Variants in MYO1H observed in about 807,000 individuals in gnomAD.
MYO1H encodes the protein unconventional myosin-Ih.
Under a neutral mutation model 149.3 loss-of-function variants are expected in MYO1H, and 118 were observed. That is an observed-to-expected ratio of 0.79 (90% confidence interval 0.68 to 0.92). The LOEUF (loss-of-function observed/expected upper bound fraction) is 0.92. MYO1H is among the 40% of genes least tolerant of loss of function. The pLI is 0.00. For missense variants in MYO1H, 1,212 were observed against 1,280.7 expected, an observed-to-expected ratio of 0.95 and a Z score of 0.82; for synonymous variants, 447 against 465.2, an observed-to-expected ratio of 0.96 and a Z score of 0.50.
At chr12:109,365,653 A>G (rs1297978002) in intron 1 of MYO1H, among the ~76,000 whole-genome samples, 2 of 152,202 alleles carry the variant, frequency 1.3e-5, no homozygotes, top group African/African-American at 2.4e-5. Context: ...GCTCTTTTGA[A>G]AAATCAAGAT....
At chr12:109,437,400 T>C (rs1871905327) in intron 22 of MYO1H, among the ~76,000 whole-genome samples, 1 of 152,218 alleles carries the variant, frequency 6.6e-6, no homozygotes, top group Admixed American at 6.5e-5. Flanking sequence ...CAAATTGATT[T>C]TGAAATTCAA....
the MYO1H span, among the ~76,000 whole-genome samples, chr12:109,342,400 C>T: frequency 6.6e-6 from 1 of 151,976 alleles, no homozygotes; most frequent in African/African-American, 2.4e-5. Flanking sequence ...CCACCTTGGC[C>T]TCCCGAAGTG....
chr12:109,437,698 G>A (rs980459914), intron 22 of MYO1H, among the ~76,000 whole-genome samples: 2 of 152,182 alleles, frequency 1.3e-5, no homozygotes, highest in African/African-American at 2.4e-5. Context: ...GTTGATGGAC[G>A]TTTGGGTTGA....
rs995965239 is a variant in MYO1H at position 109,443,657 on chromosome 12, G to T, written c.2824+8G>T. On this transcript the variant is annotated splice_region_variant and intron_variant, in intron 28 of 31. Coordinates refer to ENST00000310903, the Ensembl canonical transcript of MYO1H. ...AGTACTCAGCTCTCAAAGGTAAGAA[G>T]TGGGCAATCTTTAAAACAATGCACT... 1.9e-6 allele frequency: 3 copies of T among 1,613,450 alleles called. No homozygotes were observed. The African/African-American group carries it at 4.0e-5, about 22-fold the overall frequency.
At chr12:109,378,089 C>T (rs1247172285) in intron 1 of MYO1H, among the ~76,000 whole-genome samples, 1 of 152,172 alleles carries the variant, frequency 6.6e-6, no homozygotes, top group Non-Finnish European at 1.5e-5. Context: ...AGATCTAATT[C>T]ATATGCCATA....
chr12:109,397,912 C>A, intron 5 of MYO1H, 100 bp downstream of exon 5: 1 of 793,000 alleles, frequency 1.3e-6, no homozygotes. Context: ...CATTTTTTGG[C>A]TCAAGCTATT....
At position 109,355,268 on chromosome 12, in the gene MYO1H, C is replaced by T. The variant is rs530728487; in HGVS notation, c.12+7296C>T. 2.2e-4 allele frequency among the ~76,000 whole-genome samples: 34 copies of T among 152,236 alleles called. No individual in the cohort carries two copies. In the South Asian group the frequency reaches 2.5e-3, roughly 11 times the overall value. Reference sequence around the variant, plus strand: ...ACGACTTCAGGGGAATAACAATTCTCCTTACGTGCAATCTTCCTTAACTTA... The same window carrying T: ...ACGACTTCAGGGGAATAACAATTCTTCTTACGTGCAATCTTCCTTAACTTA... On this transcript the variant is annotated intron_variant, in intron 1 of 31. Transcript: ENST00000310903.
chr12:109,375,510 T>G (rs981644722), intron 1 of MYO1H, among the ~76,000 whole-genome samples: 5 of 152,208 alleles, frequency 3.3e-5, no homozygotes, highest in African/African-American at 1.2e-4. Flanking sequence ...TAGATTGAAC[T>G]GTTTGATTTT....
chr12:109,359,277 AAGTGGGGACAAGCAAAGT>A (rs1868688094), intron 1 of MYO1H: 1 of 152,106 alleles, frequency 6.6e-6, no homozygotes, highest in African/African-American at 2.4e-5. Flanking sequence ...CTTTGTGTTA[AAGTGGGGACAAGCAAAGT>A]AGCAGAGGAG....
At chr12:109,419,323 G>A (rs7971445) in intron 15 of MYO1H, among the ~76,000 whole-genome samples, 19,471 of 151,918 alleles carry the variant, frequency 0.13, 2,018 homozygotes, top group African/African-American at 0.28. Flanking sequence ...CGGGGGCATC[G>A]TGGATAAGGA....
At chr12:109,391,605 T>C (rs1376441036) in intron 2 of MYO1H, among the ~76,000 whole-genome samples, 1 of 152,208 alleles carries the variant, frequency 6.6e-6, no homozygotes, top group African/African-American at 2.4e-5. Flanking sequence ...GGTCAAATGG[T>C]ATTTCTGCCT....
At chr12:109,331,011 T>A in the MYO1H span, among the ~76,000 whole-genome samples, 1 of 152,228 alleles carries the variant, frequency 6.6e-6, no homozygotes, top group Non-Finnish European at 1.5e-5. Context: ...TTAAGTATCA[T>A]TTACATACTG....
intron 26 of MYO1H, among the ~76,000 whole-genome samples, 164 bp downstream of exon 26, chr12:109,441,872 C>T (rs1445761456): frequency 1.4e-5 from 2 of 139,524 alleles, no homozygotes; most frequent in African/African-American, 2.8e-5. Flanking sequence ...CATGGCGAAA[C>T]CCCATCTCAA....
At chr12:109,407,828 A>G in exon 10 of MYO1H, 3 of 1,613,726 alleles carry the variant, frequency 1.9e-6, no homozygotes, top group Non-Finnish European at 2.5e-6. Context: ...CTCTCTGTCT[A>G]CGCTAGAGAT....
intron 1 of MYO1H, among the ~76,000 whole-genome samples, chr12:109,382,660 A>T (rs1470851768): frequency 2.0e-5 from 3 of 151,978 alleles, no homozygotes; most frequent in African/African-American, 4.8e-5. Context: ...CTACTAAAAT[A>T]TTTATACATA....
At chr12:109,319,429 AAATGGGAGTGCTTGTTT>A in the MYO1H span, among the ~76,000 whole-genome samples, 1 of 152,130 alleles carries the variant, frequency 6.6e-6, no homozygotes, top group Non-Finnish European at 1.5e-5. Flanking sequence ...GGAAGGGAAA[AAATGGGAGTGCTTGTTT>A]AATAGATATA....
At chr12:109,407,694 T>G in intron 9 of MYO1H, 100 bp from the exon 10 acceptor site, 3 of 1,256,476 alleles carry the variant, frequency 2.4e-6, no homozygotes, top group Non-Finnish European at 3.2e-6. Context: ...CGAGACCCTG[T>G]CTCATTATTT....
In MYO1H at chr12:109,428,195, G is replaced by A. The variant is rs112054915; in HGVS notation, c.1949+609G>A. ...TACAGTCAAGGGCAAGGCCAAGTGC[G>A]TAGATCTGCCACCAGGGGGCAGCCG... On this transcript the variant is annotated intron_variant, in intron 19 of 31. Coordinates refer to ENST00000310903, the Ensembl canonical transcript of MYO1H. Among the ~76,000 whole-genome samples, 127 of 151,982 alleles carry A rather than the reference G, an allele frequency of 8.4e-4. 2 individuals are homozygous for A. The highest frequency in any genetic ancestry group is 2.7e-3 in the African/African-American group (110 of 41,480).
At chr12:109,396,254 AT>A in intron 3 of MYO1H, 129 bp from the exon 4 acceptor site, 1 of 708,116 alleles carries the variant, frequency 1.4e-6, no homozygotes, top group South Asian at 2.0e-5. Context: ...GTTTGAGCTC[AT>A]TGTCCTTGTA....
Sources: gnomAD v4.1 joint callset for allele counts (sites outside exome capture counted in the v4.1 genomes callset) on GRCh38, gnomAD v4.1.1 for gene constraint, MANE v1.5 for transcripts, NCBI Gene and HGNC (gene_info 2026-07-23, HGNC 2026-07-21) for gene names.